The following PLD5 variants were observed in gnomAD, a reference collection of about 807,000 sequenced individuals.
The protein encoded by PLD5 is inactive phospholipase D5.
In PLD5, 36 loss-of-function variants were observed where a neutral mutation model predicts 61.1. The ratio of observed to expected loss-of-function variants is 0.59; its 90% CI spans 0.45 to 0.78. PLD5 has a LOEUF of 0.78. Among genes scored for constraint, PLD5 ranks in the 30% least tolerant of loss-of-function variants. PLD5 has a pLI of 0.00. For missense variants in PLD5, 515 were observed against 644.4 expected (o/e 0.80, Z 2.17); for synonymous variants, 243 against 242.8 (o/e 1.00, Z -0.01).
chr1:242,358,685 G>T (rs1293011403), intron 1 of PLD5, among the ~76,000 whole-genome samples: 3 of 152,122 alleles, frequency 2.0e-5, no homozygotes, highest in Non-Finnish European at 4.4e-5. Context: ...GTTGGACAAA[G>T]TTGCAGAAGG....
intron 5 of PLD5, among the ~76,000 whole-genome samples, chr1:242,171,099 G>A (rs909398700): frequency 7.9e-5 from 12 of 152,016 alleles, no homozygotes; most frequent in Non-Finnish European, 1.3e-4. Context: ...AGATACAACA[G>A]GGTTGAAATG....
intron 1 of PLD5, among the ~76,000 whole-genome samples, chr1:242,368,076 A>G (rs955075509): frequency 1.1e-4 from 17 of 152,130 alleles, no homozygotes; most frequent in Admixed American, 3.3e-4. Flanking sequence ...CTGAAACTCA[A>G]CTCATTGTAA....
intron 2 of PLD5, among the ~76,000 whole-genome samples, chr1:242,292,979 T>A (rs1365561981): frequency 1.3e-5 from 2 of 152,176 alleles, no homozygotes; most frequent in Admixed American, 6.5e-5. Context: ...TCATCGACTG[T>A]CAAAGGGGTC....
chr1:242,325,067 G>A (rs1340102928), intron 2 of PLD5, among the ~76,000 whole-genome samples: 9 of 152,128 alleles, frequency 5.9e-5, no homozygotes, highest in Admixed American at 3.9e-4. Flanking sequence ...GGCAATTCCC[G>A]CGTCTCAATA....
At chr1:242,311,635 C>T (rs1676704019) in intron 2 of PLD5, among the ~76,000 whole-genome samples, 1 of 152,222 alleles carries the variant, frequency 6.6e-6, no homozygotes, top group Admixed American at 6.5e-5. Flanking sequence ...TGGCAGGCTA[C>T]TTTACTGCTT....
rs568698069 is a variant in PLD5, at chr1:242,274,794, T to C, written c.496-9346A>G. On this transcript the variant is annotated intron_variant, in intron 3 of 9. Coordinates refer to ENST00000536534, the MANE Select transcript of PLD5 (RefSeq NM_001372062.1). ...AGCAAGCCTCTATGGCCAACAGACA[T>C]AGGGAGATGCTTTTTGTAATCAAGG... 4.0e-5 allele frequency among the ~76,000 whole-genome samples: 6 copies of C among 151,714 alleles called. No homozygotes were observed. The East Asian group carries it at 1.2e-3, about 29-fold the overall frequency.
At position 242,307,776 on chromosome 1, in the gene PLD5, G is replaced by A. The variant is rs138862077; in HGVS notation, c.327-19246C>T. Among the ~76,000 whole-genome samples the A allele has an allele frequency of 7.6e-3, 1,158 of 152,050 alleles. 21 individuals are homozygous for A. Among genetic ancestry groups the A allele is most frequent in the African/African-American group, 0.026 (1,092 of 41,478 alleles). On this transcript the variant is annotated intron_variant, in intron 2 of 9. Coordinates refer to ENST00000536534, the MANE Select transcript of PLD5 (RefSeq NM_001372062.1). ...TTCTCCTTTTGCTATCTAATAAAAC[G>A]TATTGATTGTCACCACCAATAATTG... is the stretch of plus-strand genomic sequence containing the variant.
chr1:242,146,746 C>T (rs1486556389), intron 5 of PLD5, among the ~76,000 whole-genome samples: 1 of 152,066 alleles, frequency 6.6e-6, no homozygotes, highest in Non-Finnish European at 1.5e-5. Flanking sequence ...AGCAGCTCGT[C>T]GATATTCACT....
intron 5 of PLD5, among the ~76,000 whole-genome samples, chr1:242,128,123 C>T (rs372611621): frequency 2.0e-5 from 3 of 151,968 alleles, no homozygotes; most frequent in Admixed American, 1.3e-4. Context: ...TGGGCAATAT[C>T]GTGAGACCAT....
chr1:242,322,771 A>G (rs1206580214), intron 2 of PLD5, among the ~76,000 whole-genome samples: 3 of 152,178 alleles, frequency 2.0e-5, no homozygotes, highest in African/African-American at 7.2e-5. Flanking sequence ...GCCTTTTGCC[A>G]CAAGTGTAAG....
At chr1:242,475,188 C>A (rs796265745) in intron 1 of PLD5, among the ~76,000 whole-genome samples, 5 of 152,312 alleles carry the variant, frequency 3.3e-5, no homozygotes, top group African/African-American at 1.2e-4. Context: ...GGCACACACA[C>A]GTGCGCACGC....
chr1:242,154,135 T>C lies in PLD5; in HGVS notation c.736-29470A>G, dbSNP rs549549875. 3.3e-5 allele frequency among the ~76,000 whole-genome samples: 5 copies of C among 152,212 alleles called. No individual in the cohort carries two copies. The South Asian group carries it at 1.0e-3, about 32-fold the overall frequency. The stretch of plus-strand genomic sequence containing the variant: ...ATTGTGAATGGGAGTTCACTCATGA[T>C]TTGGCTGTTTGTCTGTTATTGGTGT... On this transcript the variant is annotated intron_variant, in intron 5 of 9. Transcript: ENST00000536534.
rs546864147 is a variant in PLD5 at position 242,263,696 on chromosome 1, TGTA to T, written c.607+1638_607+1640del. ...TATTATATTTCAACAGAATCTAAGTTGTAGTAGTATCTACATATGCTTGGAAAT... is the reference window on the plus strand; with the variant it reads ...TATTATATTTCAACAGAATCTAAGTTGTAGTATCTACATATGCTTGGAAAT... On this transcript the variant is annotated intron_variant, in intron 4 of 9. Transcript: ENST00000536534. Among the ~76,000 whole-genome samples the T allele has an allele frequency of 5.6e-3, 850 of 152,366 alleles. 10 individuals are homozygous for T. Among genetic ancestry groups the T allele is most frequent in the African/African-American group, 0.019 (803 of 41,580 alleles).
At chr1:242,431,934 A>T (rs531760813) in intron 1 of PLD5, among the ~76,000 whole-genome samples, 2 of 152,330 alleles carry the variant, frequency 1.3e-5, no homozygotes, top group East Asian at 3.9e-4. Flanking sequence ...AGGTAAGTCA[A>T]TGACAGTCAC....
rs548777927 is a variant in PLD5, at chr1:242,474,884, C to T, written c.189+49204G>A. ...TTGATTGCACTTTCTCTGTGCTACC[C>T]CTGTAGTTGGCTCACAGTTCTGTTG... On this transcript the variant is annotated intron_variant, in intron 1 of 9. Coordinates refer to ENST00000536534, the MANE Select transcript of PLD5 (RefSeq NM_001372062.1). Among the ~76,000 whole-genome samples, 3 of 152,242 alleles carry T rather than the reference C, an allele frequency of 2.0e-5. No individual in the cohort carries two copies. In the East Asian group the frequency reaches 5.8e-4, roughly 29 times the overall value.
chr1:242,498,047 C>T (rs1219051355), intron 1 of PLD5, among the ~76,000 whole-genome samples: 1 of 152,184 alleles, frequency 6.6e-6, no homozygotes, highest in Non-Finnish European at 1.5e-5. Flanking sequence ...TCACTGCAAC[C>T]TCCACCTCCC....
upstream of PLD5, among the ~76,000 whole-genome samples, chr1:242,527,080 A>C (rs2810011): frequency 0.58 from 84,650 of 145,286 alleles, 25,136 homozygotes; most frequent in East Asian, 0.83. Context: ...ATAGGACTAT[A>C]CATAGTGACT....
rs567821806 is a variant in PLD5 at position 242,393,888 on chromosome 1, C to T, written c.190-45646G>A. On this transcript the variant is annotated intron_variant, in intron 1 of 9. Coordinates refer to ENST00000536534, the MANE Select transcript of PLD5 (RefSeq NM_001372062.1). Reference sequence around the variant, plus strand: ...CAGCCTGGCCAACATGGTGAAACCCCGTCTCTACTAAAAATGCAAAAATTA... The same window carrying T: ...CAGCCTGGCCAACATGGTGAAACCCTGTCTCTACTAAAAATGCAAAAATTA... Among the ~76,000 whole-genome samples, 40 of 145,662 alleles carry T rather than the reference C, an allele frequency of 2.7e-4. No homozygotes were observed. The East Asian group carries it at 7.7e-3, about 28-fold the overall frequency.
chr1:242,524,492 C>G lies in PLD5; in HGVS notation c.-216G>C, dbSNP rs532393847. The G allele has an allele frequency of 7.3e-4, 74 of 100,868 alleles. No homozygotes were observed. The highest frequency in any genetic ancestry group is 1.2e-3 in the Non-Finnish European group (63 of 50,620). The allele number at this position is 100,868 out of a possible 1,614,324, so 6.2% of individuals were successfully genotyped here. On this transcript the variant is annotated 5_prime_UTR_variant, in exon 1 of 10. Transcript: ENST00000536534. ...CGGGAGGGGGCGATCGCGGGAGGCG[C>G]GGGGCGGAAGGAGGGAGGGCGAGGT...
Sources: gnomAD v4.1 joint callset for allele counts (sites outside exome capture counted in the v4.1 genomes callset) on GRCh38, gnomAD v4.1.1 for gene constraint, MANE v1.5 for transcripts, NCBI Gene and HGNC (gene_info 2026-07-23, HGNC 2026-07-21) for gene names.